The following FSD2 variants were observed in gnomAD, a reference collection of about 807,000 sequenced individuals.
The protein encoded by FSD2 is fibronectin type III and SPRY domain containing 2.
FSD2 carries 71 observed loss-of-function variants against 80.4 expected under a neutral mutation model. The observed-to-expected ratio is 0.88, with a 90% CI of 0.73 to 1.08. The LOEUF (loss-of-function observed/expected upper bound fraction) is 1.08, where lower values mean the gene tolerates loss of function less well. Among genes scored for constraint, FSD2 ranks in the 50% least tolerant of loss-of-function variants. The pLI is 0.00. For synonymous variants in FSD2, 361 were observed against 329.5 expected (o/e 1.10, Z -1.03); for missense variants, 923 against 913.8 (o/e 1.01, Z -0.13).
chr15:82,772,038 C>G, intron 7 of FSD2, 35 bp downstream of exon 7: 1 of 1,517,192 alleles, frequency 6.6e-7, no homozygotes, highest in East Asian at 2.3e-5. Flanking sequence ...TGAACTGTTC[C>G]CATGAGCACG....
At chr15:82,762,074 A>C (rs2049306669) in intron 12 of FSD2, 28 bp downstream of exon 12, 2 of 1,530,086 alleles carry the variant, frequency 1.3e-6, no homozygotes, top group Non-Finnish European at 1.8e-6. Context: ...AGCAAATTTT[A>C]ATTGTGAGTA....
chr15:82,781,833 G>A (rs1292996679), intron 4 of FSD2, among the ~76,000 whole-genome samples: 1 of 151,472 alleles, frequency 6.6e-6, no homozygotes, highest in South Asian at 2.1e-4. Flanking sequence ...GCCGAGGCAG[G>A]TGGATCACGA....
intron 6 of FSD2, 88 bp downstream of exon 6, chr15:82,778,678 A>G (rs2049779126): frequency 7.1e-7 from 1 of 1,406,374 alleles, no homozygotes; most frequent in Non-Finnish European, 9.6e-7. Flanking sequence ...TTAAGAGGAT[A>G]GATCTCATGC....
chr15:82,790,969 A>G (rs2050135441), intron 1 of FSD2, among the ~76,000 whole-genome samples: 1 of 151,734 alleles, frequency 6.6e-6, no homozygotes, highest in Non-Finnish European at 1.5e-5. Context: ...AAAAATGTAT[A>G]CTTTAGTGGT....
rs117322145 is a variant in FSD2 at position 82,803,493 on chromosome 15, G to A, written c.-79+2473C>T. Among the ~76,000 whole-genome samples, 29 of 152,002 alleles carry A rather than the reference G, an allele frequency of 1.9e-4. No homozygotes were observed. The East Asian group carries it at 1.9e-3, about 10-fold the overall frequency. ...GTAACCCTCTGTTCCTTCTGGCCGC[G>A]CTCAGGGTCTTCCATGTGAGACTCA... On this transcript the variant is annotated intron_variant, in intron 1 of 12. Transcript: ENST00000334574.
chr15:82,773,433 G>C (rs938414379), intron 6 of FSD2, among the ~76,000 whole-genome samples: 4 of 152,158 alleles, frequency 2.6e-5, no homozygotes, highest in Non-Finnish European at 5.9e-5. Flanking sequence ...GAGATGCAGC[G>C]TAAGAAAATG....
chr15:82,786,480 A>C (rs755464625), intron 3 of FSD2, 31 bp downstream of exon 3: 1 of 1,488,092 alleles, frequency 6.7e-7, no homozygotes, highest in South Asian at 1.1e-5. Flanking sequence ...AAGAAATGTG[A>C]GTCTGATGAG....
Position 82,783,010 on chromosome 15 carries a change from G to A in FSD2, c.751C>T (p.Gln251Ter). The A allele has an allele frequency of 6.2e-7, 1 of 1,611,494 alleles. No individual in the cohort carries two copies. Among genetic ancestry groups the A allele is most frequent in the East Asian group, 2.2e-5 (1 of 44,866 alleles). ...TAATGTGACTCAAAGTTTTGTTCTT[G>A]TTTTCCAAAATTCTCCTGCAAGACA... ...FITVEENFGKQEQNFESHYNE... is the reference protein window; with the variant it reads ...FITVEENFGK Residue 251 changes from glutamine to a stop codon, truncating the protein, a stop_gained, in exon 4 of 13, where the codon CAA becomes TAA. Coordinates refer to ENST00000334574, the MANE Select transcript of FSD2 (RefSeq NM_001007122.4). LOFTEE classifies it high-confidence loss of function.
chr15:82,783,031 A>G lies in FSD2; in HGVS notation c.736-6T>C, dbSNP rs773610526. On this transcript the variant is annotated splice_region_variant and splice_polypyrimidine_tract_variant and intron_variant, in intron 3 of 12. Coordinates refer to ENST00000334574, the MANE Select transcript of FSD2 (RefSeq NM_001007122.4). ...TCTTGTTTTCCAAAATTCTCCTGCA[A>G]GACAGTTGATCTCAGTCATCATTTC... is the stretch of plus-strand genomic sequence containing the variant. 3 of 1,593,654 alleles carry G rather than the reference A, an allele frequency of 1.9e-6. No homozygotes were observed. Among genetic ancestry groups the G allele is most frequent in the Admixed American group, 3.4e-5 (2 of 59,152 alleles).
In FSD2 at chr15:82,782,843, C is replaced by T. The variant is rs780577174; in HGVS notation, c.918G>A (p.Met306Ile). ...GENLDTCKEL[M>I]ETIEEMCHEE... is the part of the protein sequence containing the mutation. ...CGTGACACATCTCCTCTATTGTTTC[C>T]ATCAGTTCTTTGCAAGTATCTAGGT... The change falls in exon 4 of 13, where the codon ATG becomes ATA. Residue 306 changes from methionine (M) to isoleucine (I), a missense_variant. Transcript: ENST00000334574. 6.2e-7 allele frequency: 1 copy of T among 1,613,902 alleles called. No individual in the cohort carries two copies. The highest frequency in any genetic ancestry group is 2.2e-5 in the East Asian group (1 of 44,876).
intron 1 of FSD2, among the ~76,000 whole-genome samples, chr15:82,797,212 A>G (rs2151538205): frequency 6.6e-6 from 1 of 152,326 alleles, no homozygotes; most frequent in Admixed American, 6.5e-5. Context: ...CAGCTAATAT[A>G]TGATTAAAAA....
chr15:82,761,669 AT>A (rs1014916863), intron 12 of FSD2, among the ~76,000 whole-genome samples: 4 of 148,940 alleles, frequency 2.7e-5, no homozygotes, highest in African/African-American at 9.8e-5. Flanking sequence ...ATTTTATTTT[AT>A]TTTTTTATTT....
chr15:82,786,344 C>G (rs1019224784), intron 3 of FSD2, among the ~76,000 whole-genome samples, 167 bp downstream of exon 3: 5 of 152,094 alleles, frequency 3.3e-5, no homozygotes, highest in Non-Finnish European at 7.4e-5. Context: ...GACGTCCATG[C>G]CCAGGTGCTA....
Position 82,755,812 on chromosome 15 carries a change from A to G in FSD2, c.*3536T>C, listed in dbSNP as rs1381906405. On this transcript the variant is annotated 3_prime_UTR_variant, in exon 13 of 13. Transcript: ENST00000334574. Reference sequence around the variant, plus strand: ...TTTTCTCTTGCATTTAGATTAATTAACCATTGGTTACAGTGAAACAAGCAT... The same window carrying G: ...TTTTCTCTTGCATTTAGATTAATTAGCCATTGGTTACAGTGAAACAAGCAT... 1 of 251,070 alleles carries G rather than the reference A, an allele frequency of 4.0e-6. No homozygotes were observed. The highest frequency in any genetic ancestry group is 2.2e-5 in the African/African-American group (1 of 44,658). 15.6% of individuals were successfully genotyped at this position (251,070 alleles called of 1,614,324 possible).
intron 1 of FSD2, among the ~76,000 whole-genome samples, chr15:82,794,611 A>G (rs1275941845): frequency 1.3e-5 from 2 of 151,920 alleles, no homozygotes; most frequent in South Asian, 2.1e-4. Context: ...TTATTATTAC[A>G]GTTTCCATTT....
chr15:82,796,908 T>C (rs887051382), intron 1 of FSD2, among the ~76,000 whole-genome samples: 2 of 151,934 alleles, frequency 1.3e-5, no homozygotes, highest in Admixed American at 6.6e-5. Context: ...TGAGGCTTCA[T>C]GTAGATTCTT....
intron 6 of FSD2, among the ~76,000 whole-genome samples, chr15:82,772,851 T>C (rs1396702796): frequency 6.6e-6 from 1 of 152,194 alleles, no homozygotes; most frequent in Non-Finnish European, 1.5e-5. Context: ...ATAATTCTTT[T>C]TTTTCTCTGT....
At position 82,787,352 on chromosome 15, in the gene FSD2, C is replaced by T. The variant is rs745947250; in HGVS notation, c.39G>A (p.Arg13=). Residue 13 remains arginine (R), a synonymous_variant, in exon 2 of 13, where the codon AGG becomes AGA. Transcript: ENST00000334574. The part of the protein sequence containing the change: ...EESGEELGLD[R]STPKDFHFYH... Reference sequence around the variant, plus strand: ...AAAAGTGGAAATCCTTGGGAGTAGACCTGTCCAGCCCCAGTTCCTCCCCCG... The same window carrying T: ...AAAAGTGGAAATCCTTGGGAGTAGATCTGTCCAGCCCCAGTTCCTCCCCCG... 3.1e-6 allele frequency: 5 copies of T among 1,612,242 alleles called. No individual in the cohort carries two copies. Among genetic ancestry groups the T allele is most frequent in the Non-Finnish European group, 4.2e-6 (5 of 1,178,878 alleles).
intron 12 of FSD2, among the ~76,000 whole-genome samples, chr15:82,759,954 C>T (rs1458181900): frequency 6.8e-6 from 1 of 147,242 alleles, no homozygotes; most frequent in South Asian, 2.4e-4. Flanking sequence ...CCACCAAGCC[C>T]GGCTAATTTT....
Sources: allele counts gnomAD v4.1 joint callset (sites outside exome capture counted in the v4.1 genomes callset), GRCh38; gene constraint gnomAD v4.1.1; transcripts MANE v1.5; gene names NCBI Gene and HGNC (gene_info 2026-07-23, HGNC 2026-07-21).